The following GAREM1 variants were observed in gnomAD, a reference collection of about 807,000 sequenced individuals.
The protein encoded by GAREM1 is GRB2 associated regulator of MAPK1 subtype 1, also known as GRB2-associated and regulator of MAPK protein 1.
GAREM1 carries 26 observed loss-of-function variants against 71.3 expected under a neutral mutation model. The observed-to-expected ratio is 0.36, with a 90% CI of 0.27 to 0.51. GAREM1 has a LOEUF of 0.51. Among genes scored for constraint, GAREM1 ranks in the 20% least tolerant of loss-of-function variants. The pLI is 0.95. For synonymous variants in GAREM1, 440 were observed against 433.2 expected (o/e 1.02, Z -0.20); for missense variants, 1,026 against 1,103.1 (o/e 0.93, Z 0.99).
At chr18:32,467,426 CAGA>C (rs1438844817) in intron 1 of GAREM1, among the ~76,000 whole-genome samples, 1 of 152,144 alleles carries the variant, frequency 6.6e-6, no homozygotes. Context: ...TCTTCAGAGT[CAGA>C]AGGTTGGCTG....
chr18:32,362,088 T>C (rs1400912519), intron 2 of GAREM1, among the ~76,000 whole-genome samples: 1 of 152,176 alleles, frequency 6.6e-6, no homozygotes, highest in Admixed American at 6.5e-5. Context: ...AGAGGAACAA[T>C]GATGAGACAT....
At chr18:32,310,836 C>T (rs1200629853) in intron 2 of GAREM1, among the ~76,000 whole-genome samples, 1 of 151,960 alleles carries the variant, frequency 6.6e-6, no homozygotes, top group East Asian at 1.9e-4. Flanking sequence ...ACTCATATTC[C>T]TGGTTAGAAC....
At chr18:32,425,003 A>T (rs1225477754) in intron 1 of GAREM1, among the ~76,000 whole-genome samples, 2 of 152,192 alleles carry the variant, frequency 1.3e-5, no homozygotes, top group Admixed American at 6.5e-5. Context: ...GGCACTTAAA[A>T]TTCTGTACCA....
chr18:32,378,499 GAA>G (rs201544063), intron 2 of GAREM1, among the ~76,000 whole-genome samples: 44 of 98,028 alleles, frequency 4.5e-4, no homozygotes, highest in African/African-American at 1.4e-3. Context: ...GACTGTCTCC[GAA>G]AAAAAAAAAA....
chr18:32,270,163 T>A lies in GAREM1; in HGVS notation c.1733+54A>T, dbSNP rs2041436336. ...CCGTGAAAATGCTTTCAAGAACCCA[T>A]GAACTGGTGGATGAGAAGATAAGCG... On this transcript the variant is annotated intron_variant, in intron 5 of 5. Coordinates refer to ENST00000269209, the MANE Select transcript of GAREM1 (RefSeq NM_001242409.2). The A allele has an allele frequency of 2.5e-6, 4 of 1,578,468 alleles. No homozygotes were observed. The South Asian group carries it at 4.5e-5, about 18-fold the overall frequency.
At position 32,273,108 on chromosome 18, in the gene GAREM1, A is replaced by T. The variant is rs79361955; in HGVS notation, c.1567-2725T>A. Among the ~76,000 whole-genome samples, 298 of 152,348 alleles carry T rather than the reference A, an allele frequency of 2.0e-3. 10 individuals carry two copies. The East Asian group carries it at 0.046, about 24-fold the overall frequency. ...GTTTATAGAAATAGGGCGCATGGAA[A>T]ATGTGAGACGATAAGGACTCTGTCA... is the stretch of plus-strand genomic sequence containing the variant. On this transcript the variant is annotated intron_variant, in intron 4 of 5. Transcript: ENST00000269209.
intron 2 of GAREM1, among the ~76,000 whole-genome samples, chr18:32,346,907 C>T (rs756736557): frequency 4.7e-4 from 72 of 152,066 alleles, no homozygotes; most frequent in Non-Finnish European, 8.8e-4. Flanking sequence ...GGCCGGTCAC[C>T]AGGGCTGAAG....
rs140992804 is a variant in GAREM1 at position 32,297,550 on chromosome 18, C to T, written c.394-9347G>A. Reference sequence around the variant, plus strand: ...ACATAGATTTCTAAGTTTTCATCTCCTACTGTGTTGAAGCCCAAACCACTA... The same window carrying T: ...ACATAGATTTCTAAGTTTTCATCTCTTACTGTGTTGAAGCCCAAACCACTA... On this transcript the variant is annotated intron_variant, in intron 3 of 5. Transcript: ENST00000269209. Among the ~76,000 whole-genome samples, 362 of 152,250 alleles carry T rather than the reference C, an allele frequency of 2.4e-3. 2 individuals are homozygous for T. Among genetic ancestry groups the T allele is most frequent in the African/African-American group, 8.3e-3 (346 of 41,546 alleles).
At chr18:32,322,603 G>A (rs73956878) in intron 2 of GAREM1, among the ~76,000 whole-genome samples, 9,608 of 152,050 alleles carry the variant, frequency 0.063, 334 homozygotes, top group African/African-American at 0.083. Context: ...TCTTGTCTTC[G>A]TGAACTAACC....
In GAREM1 at chr18:32,267,613, C is replaced by G. The variant is rs2041391812; in HGVS notation, c.*258G>C. On this transcript the variant is annotated 3_prime_UTR_variant, in exon 6 of 6. Coordinates refer to ENST00000269209, the MANE Select transcript of GAREM1 (RefSeq NM_001242409.2). ...GTAAGAATGATTTCTCTGCACATGC[C>G]TTTTTTTCTTTTAGCAGCTGCTGAG... The G allele has an allele frequency of 2.8e-6, 1 of 351,826 alleles. No individual in the cohort carries two copies. Among genetic ancestry groups the G allele is most frequent in the South Asian group, 9.6e-5 (1 of 10,418 alleles). The allele number at this position is 351,826 out of a possible 1,614,324, so 21.8% of individuals were successfully genotyped here.
At chr18:32,284,940 A>G (rs1035208387) in intron 4 of GAREM1, among the ~76,000 whole-genome samples, 1 of 151,866 alleles carries the variant, frequency 6.6e-6, no homozygotes, top group South Asian at 2.1e-4. Context: ...TAGTAGAGAC[A>G]GGGTTTCACC....
Position 32,268,499 on chromosome 18 carries a change from G to A in GAREM1, c.2003C>T (p.Pro668Leu), listed in dbSNP as rs2041409338. ...GAGCTCACAGCCATCAAAATCAAAAGGTGCTGGGCAGTTTCTCTTTGGTGT... is the reference window on the plus strand; with the variant it reads ...GAGCTCACAGCCATCAAAATCAAAAAGTGCTGGGCAGTTTCTCTTTGGTGT... ...PGTPKRNCPA[P>L]FDFDGCELLA... The change falls in exon 6 of 6, where the codon CCT becomes CTT. Residue 668 changes from proline to leucine, a missense_variant. By Grantham distance (98) the Pro-to-Leu change is moderately conservative. This residue lies in a region of GAREM1 where 636 missense variants were observed against 631.2 expected (regional missense o/e 1.01). Coordinates refer to ENST00000269209, the MANE Select transcript of GAREM1 (RefSeq NM_001242409.2). The A allele has an allele frequency of 6.2e-7, 1 of 1,614,054 alleles. No individual in the cohort carries two copies. Among genetic ancestry groups the A allele is most frequent in the Non-Finnish European group, 8.5e-7 (1 of 1,180,046 alleles).
chr18:32,297,988 GA>G (rs1567954346), intron 3 of GAREM1, among the ~76,000 whole-genome samples: 2 of 152,130 alleles, frequency 1.3e-5, no homozygotes, highest in Non-Finnish European at 2.9e-5. Context: ...TACTGCACAG[GA>G]AATGAACTGA....
chr18:32,267,822 A>G lies in GAREM1; in HGVS notation c.*49T>C, dbSNP rs1480150058. 6.8e-7 allele frequency: 1 copy of G among 1,471,686 alleles called. No individual in the cohort carries two copies. The highest frequency in any genetic ancestry group is 9.3e-7 in the Non-Finnish European group (1 of 1,075,208). 91.2% of individuals were successfully genotyped at this position (1,471,686 alleles called of 1,614,324 possible). A position where few individuals can be genotyped will look rare whatever the true frequency, so the allele number is the denominator to read the frequency against. Reference sequence around the variant, plus strand: ...AATTGTGTCCCAGCCCACCCCTTCTAGCACACGCATTGATCAGTTTTGTTC... The same window carrying G: ...AATTGTGTCCCAGCCCACCCCTTCTGGCACACGCATTGATCAGTTTTGTTC... On this transcript the variant is annotated 3_prime_UTR_variant, in exon 6 of 6. Transcript: ENST00000269209.
At chr18:32,405,076 CCT>C (rs1372091943) in intron 1 of GAREM1, among the ~76,000 whole-genome samples, 7 of 152,156 alleles carry the variant, frequency 4.6e-5, no homozygotes, top group African/African-American at 1.7e-4. Context: ...ACTTATTCTT[CCT>C]CTTTTAATAA....
At chr18:32,401,409 T>C (rs2048314546) in intron 1 of GAREM1, among the ~76,000 whole-genome samples, 2 of 152,016 alleles carry the variant, frequency 1.3e-5, no homozygotes, top group African/African-American at 4.8e-5. Flanking sequence ...ACTGCTAAGT[T>C]TTTTTAAGTA....
At chr18:32,336,560 G>T (rs576460507) in intron 2 of GAREM1, among the ~76,000 whole-genome samples, 67 of 152,218 alleles carry the variant, frequency 4.4e-4, no homozygotes, top group African/African-American at 1.5e-3. Flanking sequence ...ACTTTCTTCT[G>T]GATTGAAACA....
intron 4 of GAREM1, among the ~76,000 whole-genome samples, chr18:32,271,081 A>G (rs776430378): frequency 4.0e-5 from 6 of 151,702 alleles, no homozygotes; most frequent in Non-Finnish European, 5.9e-5. Context: ...AATTTTTTGT[A>G]TTTTTAGTAG....
chr18:32,466,992 A>T (rs1464235739), intron 1 of GAREM1, among the ~76,000 whole-genome samples: 1 of 152,202 alleles, frequency 6.6e-6, no homozygotes, highest in East Asian at 1.9e-4. Context: ...GTAATATTGA[A>T]CACATCTATC....
Sources: gnomAD v4.1 joint callset for allele counts (sites outside exome capture counted in the v4.1 genomes callset) on GRCh38, gnomAD v4.1.1 for gene constraint, gnomAD v4.1.1 regional missense constraint, MANE v1.5 for transcripts, NCBI Gene and HGNC (gene_info 2026-07-23, HGNC 2026-07-21) for gene names.